PXDNL: variants seen among roughly 807,000 people sequenced by gnomAD.
The protein encoded by PXDNL is peroxidasin like, also known as probable oxidoreductase PXDNL.
In PXDNL, 145 loss-of-function variants were observed where a neutral mutation model predicts 150.8. That is an observed-to-expected ratio of 0.96 (90% CI 0.84 to 1.10). PXDNL has a LOEUF of 1.10. Among genes scored for constraint, PXDNL ranks in the 50% least tolerant of loss-of-function variants. The probability of loss-of-function intolerance (pLI) is 0.00; values close to 1 mark genes in which losing one functional copy is unlikely to be tolerated. For synonymous variants in PXDNL, 757 were observed against 725.7 expected, an observed-to-expected ratio of 1.04 and a Z score of -0.69; for missense variants, 2,087 against 1,873.9, an observed-to-expected ratio of 1.11 and a Z score of -2.10.
chr8:51,426,484 A>G (rs1282547833), intron 13 of PXDNL, among the ~76,000 whole-genome samples, 162 bp downstream of exon 13: 2 of 152,168 alleles, frequency 1.3e-5, no homozygotes, highest in Non-Finnish European at 2.9e-5. Context: ...AAAAAAAAAA[A>G]AGAAGAAACA....
intron 14 of PXDNL, among the ~76,000 whole-genome samples, chr8:51,413,931 A>C (rs1586087273): frequency 1.3e-5 from 2 of 152,186 alleles, no homozygotes; most frequent in Non-Finnish European, 2.9e-5. Flanking sequence ...TAATCAGCAC[A>C]GTATCTAGTT....
chr8:51,423,867 T>A (rs1041190202), intron 13 of PXDNL, 136 bp from the exon 14 acceptor site: 1 of 653,764 alleles, frequency 1.5e-6, no homozygotes, highest in African/African-American at 1.9e-5. Flanking sequence ...CTGGAGGAGA[T>A]ACATGAATCT....
intron 4 of PXDNL, among the ~76,000 whole-genome samples, chr8:51,521,737 T>C (rs1175999832): frequency 2.6e-5 from 4 of 151,854 alleles, no homozygotes; most frequent in African/African-American, 9.7e-5. Flanking sequence ...GACAAAGAGA[T>C]ATCCTTGAAG....
At chr8:51,627,524 A>T (rs2130747244) in intron 2 of PXDNL, among the ~76,000 whole-genome samples, 1 of 152,062 alleles carries the variant, frequency 6.6e-6, no homozygotes, top group South Asian at 2.1e-4. Context: ...ATGTCAGAAT[A>T]AAAAAAATAC....
Position 51,405,758 on chromosome 8 carries a change from C to T in PXDNL, c.3557+2309G>A, listed in dbSNP as rs563582081. Among the ~76,000 whole-genome samples the T allele has an allele frequency of 7.9e-5, 12 of 152,304 alleles. No individual in the cohort carries two copies. The South Asian group carries it at 2.5e-3, about 32-fold the overall frequency. On this transcript the variant is annotated intron_variant, in intron 17 of 22. Transcript: ENST00000356297. ...AAAGGGGAAAGTCAGGCATCTGTGA[C>T]AGCCTAAGCAAAAAGCATCTGGCTT...
rs1018371329 is a variant in PXDNL, at chr8:51,577,357, T to C, written c.308+15270A>G. On this transcript the variant is annotated intron_variant, in intron 3 of 22. Transcript: ENST00000356297. The stretch of plus-strand genomic sequence containing the variant: ...AGTTCAATATTCAAAAATTAATGAA[T>C]AAAATCCACTCTCTACATATTTATG... Among the ~76,000 whole-genome samples the C allele has an allele frequency of 3.3e-5, 5 of 151,500 alleles. No homozygotes were observed. The East Asian group carries it at 9.7e-4, about 29-fold the overall frequency.
At chr8:51,655,381 T>C (rs1815129191) in intron 1 of PXDNL, among the ~76,000 whole-genome samples, 1 of 152,158 alleles carries the variant, frequency 6.6e-6, no homozygotes, top group South Asian at 2.1e-4. Flanking sequence ...GTAATAGGGA[T>C]GCAAAGATAA....
chr8:51,528,574 T>A (rs1811814622), intron 4 of PXDNL, among the ~76,000 whole-genome samples: 1 of 152,102 alleles, frequency 6.6e-6, no homozygotes, highest in Non-Finnish European at 1.5e-5. Context: ...GCAGACGTGA[T>A]TAAGATTAAG....
chr8:51,328,747 TA>T (rs1460228373), intron 21 of PXDNL, among the ~76,000 whole-genome samples: 4 of 152,094 alleles, frequency 2.6e-5, no homozygotes, highest in Non-Finnish European at 5.9e-5. Flanking sequence ...CTTAGTGAGG[TA>T]AGGTATTCAA....
intron 2 of PXDNL, among the ~76,000 whole-genome samples, chr8:51,637,878 C>T (rs1471609370): frequency 6.6e-6 from 1 of 152,090 alleles, no homozygotes; most frequent in East Asian, 1.9e-4. Flanking sequence ...TCAAGAAGAG[C>T]AACTCCAAGA....
At chr8:51,403,695 A>G (rs1057290534) in intron 17 of PXDNL, among the ~76,000 whole-genome samples, 5 of 152,144 alleles carry the variant, frequency 3.3e-5, no homozygotes, top group Non-Finnish European at 7.3e-5. Flanking sequence ...CTGCTTTAGG[A>G]TTGGGTTTCC....
At chr8:51,759,951 T>C (rs2037143553) in intron 1 of PXDNL, among the ~76,000 whole-genome samples, 1 of 152,326 alleles carries the variant, frequency 6.6e-6, no homozygotes, top group African/African-American at 2.4e-5. Flanking sequence ...TGCTGTTTCT[T>C]GAGGGTCCAC....
Position 51,770,322 on chromosome 8 carries a change from A to G in PXDNL, c.164+38859T>C, listed in dbSNP as rs138630261. Among the ~76,000 whole-genome samples the G allele has an allele frequency of 4.6e-5, 7 of 152,334 alleles. No individual in the cohort carries two copies. In the East Asian group the frequency reaches 1.2e-3, roughly 25 times the overall value. On this transcript the variant is annotated intron_variant, in intron 1 of 22. Coordinates refer to ENST00000356297, the MANE Select transcript of PXDNL (RefSeq NM_144651.5). ...ACACACACCATTCTTTCAACAAGCT[A>G]TGACTGAATAGCTATGATCAAAGTG...
intron 4 of PXDNL, among the ~76,000 whole-genome samples, chr8:51,551,159 C>T (rs1396668642): frequency 6.6e-6 from 1 of 152,072 alleles, no homozygotes; most frequent in Non-Finnish European, 1.5e-5. Context: ...CTAAAAAATG[C>T]TGCTGAAAGA....
intron 2 of PXDNL, among the ~76,000 whole-genome samples, chr8:51,639,852 A>C (rs188091606): frequency 6.6e-6 from 1 of 152,180 alleles, no homozygotes; most frequent in East Asian, 1.9e-4. Context: ...AACTCATTTT[A>C]TGAGGCCAGC....
chr8:51,348,982 G>A (rs1806251072), intron 19 of PXDNL, among the ~76,000 whole-genome samples: 2 of 152,216 alleles, frequency 1.3e-5, no homozygotes, highest in African/African-American at 4.8e-5. Flanking sequence ...TGAATGAATG[G>A]ATGGATGAGT....
intron 1 of PXDNL, among the ~76,000 whole-genome samples, chr8:51,768,218 C>A (rs1250758023): frequency 1.3e-5 from 2 of 151,102 alleles, no homozygotes; most frequent in African/African-American, 2.4e-5. Context: ...AATTTCCAGA[C>A]TTATGATTAT....
intron 9 of PXDNL, 33 bp from the exon 10 acceptor site, chr8:51,453,818 G>A (rs376249534): frequency 1.9e-5 from 30 of 1,603,950 alleles, no homozygotes; most frequent in Non-Finnish European, 2.4e-5. Flanking sequence ...ACGAAATCCA[G>A]CAAGTAGCAG....
intron 21 of PXDNL, among the ~76,000 whole-genome samples, chr8:51,327,243 A>G (rs1452476466): frequency 6.6e-6 from 1 of 152,174 alleles, no homozygotes; most frequent in Non-Finnish European, 1.5e-5. Context: ...CTAGAGCATA[A>G]CTTAGCAAAA....
Sources: gnomAD v4.1 joint callset for allele counts (sites outside exome capture counted in the v4.1 genomes callset) on GRCh38, gnomAD v4.1.1 for gene constraint, MANE v1.5 for transcripts, NCBI Gene and HGNC (gene_info 2026-07-23, HGNC 2026-07-21) for gene names.